LGR5: variants seen among roughly 807,000 people sequenced by gnomAD.
LGR5 encodes the protein leucine rich repeat containing G protein-coupled receptor 5.
A neutral mutation model predicts 76.7 loss-of-function variants in LGR5; 54 were observed. The observed-to-expected ratio is 0.70, with a 90% CI of 0.57 to 0.88. The LOEUF (loss-of-function observed/expected upper bound fraction) is 0.88, where lower values mean the gene tolerates loss of function less well. Among genes scored for constraint, LGR5 ranks in the 40% least tolerant of loss-of-function variants. The pLI, the probability that LGR5 is intolerant of heterozygous loss-of-function variation, is 0.00. For missense variants in LGR5, 1,078 were observed against 1,073.3 expected, an observed-to-expected ratio of 1.00 and a Z score of -0.06; for synonymous variants, 406 against 421.9, an observed-to-expected ratio of 0.96 and a Z score of 0.46.
intron 7 of LGR5, among the ~76,000 whole-genome samples, chr12:71,560,570 T>C (rs1878006741): frequency 6.6e-6 from 1 of 152,132 alleles, no homozygotes; most frequent in African/African-American, 2.4e-5. Context: ...GGCAGGCAGA[T>C]TACTCGAGGC....
At chr12:71,531,870 C>T (rs1038124785) in intron 3 of LGR5, among the ~76,000 whole-genome samples, 1 of 151,902 alleles carries the variant, frequency 6.6e-6, no homozygotes, top group Non-Finnish European at 1.5e-5. Flanking sequence ...CCTGTCCCCC[C>T]TCCAAAAAAA....
In LGR5 at chr12:71,553,183, A is replaced by G. The variant is rs1221252639; in HGVS notation, c.539A>G (p.Gln180Arg). Reference protein sequence around the residue: ...DDNALTEIPVQAFRSLSALQA... With the variant: ...DDNALTEIPVRAFRSLSALQA... ...AATGCGTTAACAGAAATCCCCGTCC[A>G]GGCTTTTAGAAGTTTATCGGCATTG... is the stretch of plus-strand genomic sequence containing the variant. The change falls in exon 5 of 18, where the codon CAG becomes CGG. Residue 180 changes from glutamine to arginine, a missense_variant. Gln to Arg is a conservative substitution (Grantham distance 43, BLOSUM62 1). Coordinates refer to ENST00000266674, the MANE Select transcript of LGR5 (RefSeq NM_003667.4). 1.2e-6 allele frequency: 2 copies of G among 1,614,094 alleles called. No homozygotes were observed. Among genetic ancestry groups the G allele is most frequent in the South Asian group, 2.2e-5 (2 of 91,080 alleles).
chr12:71,529,365 G>A lies in LGR5; in HGVS notation c.356+4888G>A, dbSNP rs934464991. 2.0e-5 allele frequency among the ~76,000 whole-genome samples: 3 copies of A among 152,134 alleles called. No homozygotes were observed. The East Asian group carries it at 5.8e-4, about 29-fold the overall frequency. On this transcript the variant is annotated intron_variant, in intron 3 of 17. Transcript: ENST00000266674. ...CATCAGGAGAGAGAGAGCGAGGGGG[G>A]ATCTGCCACACACTCTTAAACCATC...
At position 71,580,310 on chromosome 12, in the gene LGR5, G is replaced by A. The variant is rs769462078; in HGVS notation, c.1439G>A (p.Cys480Tyr). Residue 480 changes from cysteine (C) to tyrosine (Y), a missense_variant, in exon 16 of 18, where the codon TGT becomes TAT. Cys to Tyr is a radical substitution (Grantham distance 194). Transcript: ENST00000266674. ...GAAATGCCTTATGCTTACCAGTGCT[G>A]TGCATTTGGAGTGTGTGAGAATGCC... ...VIEMPYAYQC[C>Y]AFGVCENAYK... 6.2e-7 allele frequency: 1 copy of A among 1,613,554 alleles called. No homozygotes were observed. Among genetic ancestry groups the A allele is most frequent in the Non-Finnish European group, 8.5e-7 (1 of 1,179,712 alleles).
chr12:71,519,620 G>A (rs1209036182), intron 2 of LGR5, among the ~76,000 whole-genome samples: 1 of 151,416 alleles, frequency 6.6e-6, no homozygotes, highest in Non-Finnish European at 1.5e-5. Flanking sequence ...ACAACATGGT[G>A]AAACCCTGTC....
Position 71,525,284 on chromosome 12 carries a change from A to G in LGR5, c.356+807A>G, listed in dbSNP as rs1333378642. On this transcript the variant is annotated intron_variant, in intron 3 of 17. Transcript: ENST00000266674. ...GACCTAAAAGACACATAGGTTAAAA[A>G]AACAGTTTATTCAATTTAATATTTT... Among the ~76,000 whole-genome samples, 14 of 152,300 alleles carry G rather than the reference A, an allele frequency of 9.2e-5. No homozygotes were observed. In the South Asian group the frequency reaches 2.9e-3, roughly 32 times the overall value.
intron 4 of LGR5, among the ~76,000 whole-genome samples, chr12:71,552,470 C>T (rs1877536255): frequency 2.0e-5 from 3 of 150,930 alleles, no homozygotes; most frequent in Admixed American, 1.3e-4. Context: ...GAGGCTGAAG[C>T]AGGAAAATCG....
intron 4 of LGR5, among the ~76,000 whole-genome samples, chr12:71,539,585 T>C (rs2700172): frequency 0.28 from 42,910 of 151,982 alleles, 6,443 homozygotes; most frequent in Admixed American, 0.36. Flanking sequence ...TCAAGCGATT[T>C]TTCTGCCTCA....
At position 71,440,095 on chromosome 12, in the gene LGR5, G is replaced by A; in HGVS notation, c.15G>A (p.Arg5=). The stretch of plus-strand genomic sequence containing the variant: ...CTTCGGGCACCATGGACACCTCCCG[G>A]CTCGGTGTGCTCCTGTCCTTGCCTG... MDTS[R]LGVLLSLPVL... Residue 5 remains arginine, a synonymous_variant, in exon 1 of 18, where the codon CGG becomes CGA. Transcript: ENST00000266674. This position sits in a 1 kb window ranked among gnomAD's most constrained non-coding sequence, Gnocchi z 5.3. The A allele has an allele frequency of 6.2e-7, 1 of 1,603,796 alleles. No individual in the cohort carries two copies. The highest frequency in any genetic ancestry group is 8.5e-7 in the Non-Finnish European group (1 of 1,179,882).
intron 2 of LGR5, among the ~76,000 whole-genome samples, chr12:71,507,425 G>T (rs567329854): frequency 6.6e-6 from 1 of 152,174 alleles, no homozygotes; most frequent in South Asian, 2.1e-4. Context: ...GTGTATATAT[G>T]TGTCTGTGTC....
chr12:71,457,230 G>A (rs945540853), intron 1 of LGR5, among the ~76,000 whole-genome samples: 1 of 152,170 alleles, frequency 6.6e-6, no homozygotes, highest in African/African-American at 2.4e-5. Flanking sequence ...CGCAGTCCCT[G>A]TTGGAAACAG....
chr12:71,469,082 T>C (rs1463647981), intron 1 of LGR5, among the ~76,000 whole-genome samples: 3 of 152,214 alleles, frequency 2.0e-5, no homozygotes, highest in Admixed American at 6.5e-5. Context: ...AGTTTTAATG[T>C]GGAGATTATT....
At chr12:71,499,819 CT>C (rs894003489) in intron 1 of LGR5, among the ~76,000 whole-genome samples, 4 of 152,114 alleles carry the variant, frequency 2.6e-5, no homozygotes, top group African/African-American at 9.7e-5. Flanking sequence ...GGCTGCATTC[CT>C]TTTTGGGTAG....
At chr12:71,495,525 T>C (rs59471710) in intron 1 of LGR5, among the ~76,000 whole-genome samples, 3,654 of 151,480 alleles carry the variant, frequency 0.024, 363 homozygotes, top group African/African-American at 0.085. Flanking sequence ...TAGCTGGTTT[T>C]GCTTGCTCAG....
At chr12:71,575,722 A>ATATGTGTGTGTGTGTG (rs1555176199) in intron 13 of LGR5, among the ~76,000 whole-genome samples, 2 of 144,760 alleles carry the variant, frequency 1.4e-5, no homozygotes, top group African/African-American at 5.2e-5. Context: ...AAAAATATAT[A>ATATGTGTGTGTGTGTG]TGTGTGTGTG....
At chr12:71,530,026 T>G (rs1009545434) in intron 3 of LGR5, among the ~76,000 whole-genome samples, 2 of 151,956 alleles carry the variant, frequency 1.3e-5, no homozygotes, top group African/African-American at 4.8e-5. Flanking sequence ...GGTAGTTGCA[T>G]ATGAGCATCA....
chr12:71,532,415 A>G (rs1351121894), intron 3 of LGR5, among the ~76,000 whole-genome samples: 1 of 152,162 alleles, frequency 6.6e-6, no homozygotes, highest in East Asian at 1.9e-4. Context: ...AGGAACCAAT[A>G]CATTTGAGAC....
chr12:71,529,525 C>G (rs111497284), intron 3 of LGR5, among the ~76,000 whole-genome samples: 1 of 152,196 alleles, frequency 6.6e-6, no homozygotes, highest in Admixed American at 6.5e-5. Context: ...GGTGGGGACA[C>G]AAAGCCAAAC....
intron 1 of LGR5, among the ~76,000 whole-genome samples, chr12:71,499,499 G>T (rs1272109787): frequency 6.6e-6 from 1 of 152,098 alleles, no homozygotes; most frequent in African/African-American, 2.4e-5. Flanking sequence ...GAGGAAAGTG[G>T]CATGAGATCA....
Sources: gnomAD v4.1 joint callset for allele counts (sites outside exome capture counted in the v4.1 genomes callset) on GRCh38, gnomAD v4.1.1 for gene constraint, Gnocchi (gnomAD v3.1) non-coding constraint, MANE v1.5 for transcripts, NCBI Gene and HGNC (gene_info 2026-07-23, HGNC 2026-07-21) for gene names.